AP5Z1: variants seen among roughly 807,000 people sequenced by gnomAD.
The protein encoded by AP5Z1 is adaptor related protein complex 5 subunit zeta 1.
Under a neutral mutation model 83.0 loss-of-function variants are expected in AP5Z1, and 106 were observed. The observed-to-expected ratio is 1.28, with a 90% CI of 1.09 to 1.50. The LOEUF (loss-of-function observed/expected upper bound fraction) is 1.50, where lower values mean the gene tolerates loss of function less well. Among genes scored for constraint, AP5Z1 ranks in the 40% most tolerant of loss-of-function variants. AP5Z1 has a pLI of 0.00. For missense variants in AP5Z1, 1,565 were observed against 1,094.2 expected, an observed-to-expected ratio of 1.43 and a Z score of -6.07; for synonymous variants, 751 against 514.1, an observed-to-expected ratio of 1.46 and a Z score of -6.23.
In AP5Z1 at chr7:4,788,841, T is replaced by C. The variant is rs775572689; in HGVS notation, c.1597T>C (p.Leu533=). The part of the protein sequence containing the change: ...RPKASGATER[L]APLHQLLQPM... Reference sequence around the variant, plus strand: ...CTCACGGCCACACTGTGTCCTCAGGTTGGCGCCACTCCACCAGCTGCTGCA... The same window carrying C: ...CTCACGGCCACACTGTGTCCTCAGGCTGGCGCCACTCCACCAGCTGCTGCA... Residue 533 remains leucine, a splice_region_variant and synonymous_variant, in exon 13 of 17, where the codon TTG becomes CTG. Coordinates refer to ENST00000649063, the MANE Select transcript of AP5Z1 (RefSeq NM_014855.3). The C allele has an allele frequency of 1.3e-5, 21 of 1,604,066 alleles. No individual in the cohort carries two copies. Among genetic ancestry groups the C allele is most frequent in the Middle Eastern group, 1.7e-4 (1 of 5,986 alleles).
rs1251532019 is a variant in AP5Z1 at position 4,785,036 on chromosome 7, C to G, written c.919C>G (p.Gln307Glu). 3 of 1,602,696 alleles carry G rather than the reference C, an allele frequency of 1.9e-6. No individual in the cohort carries two copies. The highest frequency in any genetic ancestry group is 1.7e-6 in the Non-Finnish European group (2 of 1,172,540). Residue 307 changes from glutamine to glutamate, a missense_variant, in exon 7 of 17, where the codon CAA (glutamine) becomes GAA (glutamate). By Grantham distance (29) the Gln-to-Glu change is conservative (BLOSUM62 2). Coordinates refer to ENST00000649063, the MANE Select transcript of AP5Z1 (RefSeq NM_014855.3). ...AFEYCQRLIEQSNRRALRKGD... is the reference protein window; with the variant it reads ...AFEYCQRLIEESNRRALRKGD... Reference sequence around the variant, plus strand: ...CGAGTACTGCCAGCGCCTCATTGAGCAAAGTAACCGACGTGAGTCCCCCAC... The same window carrying G: ...CGAGTACTGCCAGCGCCTCATTGAGGAAAGTAACCGACGTGAGTCCCCCAC...
rs911757798 is a variant in AP5Z1 at position 4,775,664 on chromosome 7, C to T, written c.-52C>T. The T allele has an allele frequency of 5.0e-6, 8 of 1,603,220 alleles. No individual in the cohort carries two copies. Among genetic ancestry groups the T allele is most frequent in the Non-Finnish European group, 6.8e-6 (8 of 1,178,988 alleles). On this transcript the variant is annotated 5_prime_UTR_variant, in exon 1 of 17. Transcript: ENST00000649063. Reference sequence around the variant, plus strand: ...TTGACCGGGGTGCGGAGCTCCTGGGCTGCAGCTCCTGGAGTTTCCGAGGTT... The same window carrying T: ...TTGACCGGGGTGCGGAGCTCCTGGGTTGCAGCTCCTGGAGTTTCCGAGGTT...
rs763507522 is a variant in AP5Z1, at chr7:4,788,140, G to A, written c.1455-14G>A. ...GCCGCATCCCAGCCTGGCCTTGGGCGTCTGTCCACGCAGGTCAGCACCGGC... is the reference window on the plus strand; with the variant it reads ...GCCGCATCCCAGCCTGGCCTTGGGCATCTGTCCACGCAGGTCAGCACCGGC... On this transcript the variant is annotated splice_polypyrimidine_tract_variant and intron_variant, in intron 11 of 16. Transcript: ENST00000649063. The A allele has an allele frequency of 4.8e-5, 73 of 1,514,306 alleles. No individual in the cohort carries two copies. In the East Asian group the frequency reaches 6.5e-4, roughly 13 times the overall value. The allele number at this position is 1,514,306 out of a possible 1,614,324, so 93.8% of individuals were successfully genotyped here. A position where few individuals can be genotyped will look rare whatever the true frequency, so the allele number is the denominator to read the frequency against.
rs562425834 is a variant in AP5Z1, at chr7:4,789,848, T to G, written c.1724T>G (p.Leu575Arg). ...SAVTQVADGS[L>R]INQLALLLLG... ...GACCCCCAGGTGGCTGACGGGTCCC[T>G]GATCAACCAGCTGGCGCTGCTGCTC... is the stretch of plus-strand genomic sequence containing the variant. Residue 575 changes from leucine (L) to arginine (R), a missense_variant, in exon 14 of 17, where the codon CTG becomes CGG. By Grantham distance (102) the Leu-to-Arg change is moderately radical. Transcript: ENST00000649063. The G allele has an allele frequency of 9.0e-5, 140 of 1,552,566 alleles. No homozygotes were observed. The Admixed American group carries it at 1.2e-3, about 14-fold the overall frequency.
At chr7:4,782,121 A>C (rs113597712) in intron 3 of AP5Z1, among the ~76,000 whole-genome samples, 3 of 152,066 alleles carry the variant, frequency 2.0e-5, no homozygotes, top group Admixed American at 6.6e-5. Flanking sequence ...GGAGTGATCA[A>C]TGCTCACTGC....
In AP5Z1 at chr7:4,791,718, CAAG is replaced by C; in HGVS notation, c.*338_*340del. The C allele has an allele frequency of 2.5e-6, 1 of 399,206 alleles. No homozygotes were observed. Among genetic ancestry groups the C allele is most frequent in the African/African-American group, 2.0e-5 (1 of 49,690 alleles). The allele number at this position is 399,206 out of a possible 1,614,324, so 24.7% of individuals were successfully genotyped here. On this transcript the variant is annotated 3_prime_UTR_variant, in exon 17 of 17. Coordinates refer to ENST00000649063, the MANE Select transcript of AP5Z1 (RefSeq NM_014855.3). Reference sequence around the variant, plus strand: ...CTTTTGTTTTTGGACAGTTGATGGGCAAGAAGAGCTGCAGTAAAAGTAAATCTC... The same window carrying C: ...CTTTTGTTTTTGGACAGTTGATGGGCAAGAGCTGCAGTAAAAGTAAATCTC...
In AP5Z1 at chr7:4,784,321, G is replaced by C. The variant is rs774068163; in HGVS notation, c.740G>C (p.Arg247Pro). Residue 247 changes from arginine (R) to proline (P), a missense_variant, in exon 6 of 17, where the codon CGG (arginine) becomes CCG (proline). Arg to Pro is a moderately radical substitution (Grantham distance 103). Transcript: ENST00000649063. ...AACGTGCAGGCCTTCTCTATGCTGC[G>C]GGCGTGGCTGCTGCACAGCGGCCCC... ...WLNVQAFSML[R>P]AWLLHSGPEG... 6.2e-7 allele frequency: 1 copy of C among 1,600,996 alleles called. No individual in the cohort carries two copies. The highest frequency in any genetic ancestry group is 8.5e-7 in the Non-Finnish European group (1 of 1,175,078).
At chr7:4,787,871 G>C (rs1422192670) in intron 11 of AP5Z1, 95 bp downstream of exon 11, 14 of 1,406,140 alleles carry the variant, frequency 1.0e-5, no homozygotes. Flanking sequence ...CTACACCGGG[G>C]ACCCTCCTTC....
In AP5Z1 at chr7:4,788,306, T is replaced by A; in HGVS notation, c.1595+12T>A. On this transcript the variant is annotated intron_variant, in intron 12 of 16. Coordinates refer to ENST00000649063, the MANE Select transcript of AP5Z1 (RefSeq NM_014855.3). ...GGCGCCACTGAGAGGTACGGGGCCC[T>A]AGGGCCAGGGGGCCACCAGTGGCTC... The A allele has an allele frequency of 6.4e-7, 1 of 1,572,582 alleles. No homozygotes were observed. Among genetic ancestry groups the A allele is most frequent in the Admixed American group, 1.8e-5 (1 of 54,596 alleles).
rs1781437641 is a variant in AP5Z1 at position 4,783,386 on chromosome 7, A to T, written c.437A>T (p.Glu146Val). 3 of 1,613,074 alleles carry T rather than the reference A, an allele frequency of 1.9e-6. No individual in the cohort carries two copies. Among genetic ancestry groups the T allele is most frequent in the Admixed American group, 1.7e-5 (1 of 59,990 alleles). The change falls in exon 4 of 17, where the codon GAG becomes GTG. Residue 146 changes from glutamate (E) to valine (V), a missense_variant. Glu to Val is a moderately radical substitution (Grantham distance 121, BLOSUM62 -2). Coordinates refer to ENST00000649063, the MANE Select transcript of AP5Z1 (RefSeq NM_014855.3). ...VLRALESRQP[E>V]GPSLRHLLPV... ...CGAGCGCTGGAGAGCCGGCAGCCTG[A>T]GGGACCCAGCCTCAGACACCTCCTC...
chr7:4,791,435 G>A lies in AP5Z1; in HGVS notation c.*50G>A. 1 of 1,537,730 alleles carries A rather than the reference G, an allele frequency of 6.5e-7. No homozygotes were observed. Among genetic ancestry groups the A allele is most frequent in the Non-Finnish European group, 8.8e-7 (1 of 1,138,716 alleles). On this transcript the variant is annotated 3_prime_UTR_variant, in exon 17 of 17. Coordinates refer to ENST00000649063, the MANE Select transcript of AP5Z1 (RefSeq NM_014855.3). ...TGCAGATTAAGAGCCTGGGCAGCCA[G>A]CTTGCTACTGAGGCCAGGCTGATAG...
chr7:4,781,793 C>G (rs1233844464), intron 3 of AP5Z1, 39 bp downstream of exon 3: 1 of 1,501,414 alleles, frequency 6.7e-7, no homozygotes, highest in Non-Finnish European at 8.9e-7. Flanking sequence ...CACCGGATGG[C>G]TGCTTCCCAA....
chr7:4,786,250 GGGAAGCGGCTGCAGTGGACTC>G lies in AP5Z1; in HGVS notation c.1140_1160del (p.Ala381_Ala387del). ...GCCCTGGCGGGCCCTGGTCTTGCAG[GGGAAGCGGCTGCAGTGGACTC>G]GGAAGCCGTCTACCAGCACCTGTTC... On this transcript the variant is annotated inframe_deletion and splice_region_variant, in exon 10 of 17. Coordinates refer to ENST00000649063, the MANE Select transcript of AP5Z1 (RefSeq NM_014855.3). 6.2e-7 allele frequency: 1 copy of G among 1,600,928 alleles called. No homozygotes were observed. The highest frequency in any genetic ancestry group is 8.5e-7 in the Non-Finnish European group (1 of 1,172,110).
intron 10 of AP5Z1, 116 bp downstream of exon 10, chr7:4,786,544 C>T: frequency 8.1e-7 from 1 of 1,228,098 alleles, no homozygotes; most frequent in African/African-American, 1.5e-5. Context: ...CCCTGTGAGT[C>T]CCGGGCCTGG....
chr7:4,784,006 C>A (rs1361616622), intron 5 of AP5Z1, among the ~76,000 whole-genome samples, 197 bp from the exon 6 acceptor site: 1 of 152,212 alleles, frequency 6.6e-6, no homozygotes, highest in Non-Finnish European at 1.5e-5. Flanking sequence ...AGTCCCAGGG[C>A]CTGCGGAGCA....
chr7:4,787,000 G>A (rs180767221), intron 10 of AP5Z1, among the ~76,000 whole-genome samples: 1,626 of 151,976 alleles, frequency 0.011, 13 homozygotes, highest in Middle Eastern at 0.048. Flanking sequence ...TCGAACTCCT[G>A]ACCTCAGATG....
chr7:4,787,722 T>TGTACGCGCTGCTGGACCTGCC lies in AP5Z1; in HGVS notation c.1401_1402insTACGCGCTGCTGGACCTGCCG (p.Leu467_His468insTyrAlaLeuLeuAspLeuPro). 1 of 1,549,112 alleles carries TGTACGCGCTGCTGGACCTGCC rather than the reference T, an allele frequency of 6.5e-7. No individual in the cohort carries two copies. The highest frequency in any genetic ancestry group is 1.2e-5 in the South Asian group (1 of 84,222). ...GACGCTGGCACAGCCCTGGAGATGCTGCACGCGCTGCTGGACCTGCCCTGC... is the reference window on the plus strand; with the variant it reads ...GACGCTGGCACAGCCCTGGAGATGCTGTACGCGCTGCTGGACCTGCCGCACGCGCTGCTGGACCTGCCCTGC... On this transcript the variant is annotated inframe_insertion, in exon 11 of 17. Coordinates refer to ENST00000649063, the MANE Select transcript of AP5Z1 (RefSeq NM_014855.3).
intron 14 of AP5Z1, 68 bp downstream of exon 14, chr7:4,789,997 T>A (rs1033841253): frequency 1.0e-5 from 4 of 385,894 alleles, no homozygotes; most frequent in South Asian, 5.6e-5. Context: ...CCCTCTCCCC[T>A]CCCCCCTCCC....
intron 1 of AP5Z1, among the ~76,000 whole-genome samples, chr7:4,779,943 G>A (rs1023026596): frequency 3.4e-4 from 52 of 151,856 alleles, no homozygotes; most frequent in African/African-American, 1.1e-3. Context: ...GTGCGTGGCC[G>A]AATTTTTTTT....
Sources: allele counts gnomAD v4.1 joint callset (sites outside exome capture counted in the v4.1 genomes callset), GRCh38; gene constraint gnomAD v4.1.1; transcripts MANE v1.5; gene names NCBI Gene and HGNC (gene_info 2026-07-23, HGNC 2026-07-21).